GRIK5: variants seen among roughly 807,000 people sequenced by gnomAD.
GRIK5 encodes the protein glutamate receptor ionotropic, kainate 5.
Under a neutral mutation model 97.4 loss-of-function variants are expected in GRIK5, and 43 were observed. The observed-to-expected ratio is 0.44, with a 90% confidence interval of 0.35 to 0.57. The LOEUF is 0.57. Among genes scored for constraint, GRIK5 ranks in the 20% least tolerant of loss-of-function variants. The probability of loss-of-function intolerance (pLI) is 0.01; values close to 1 mark genes in which losing one functional copy is unlikely to be tolerated. For synonymous variants in GRIK5, 580 were observed against 583.5 expected (o/e 0.99, Z 0.09); for missense variants, 1,015 against 1,382.0 (o/e 0.73, Z 4.21).
At position 42,042,481 on chromosome 19, in the gene GRIK5, G is replaced by A; in HGVS notation, c.1473+71C>T. 1.4e-6 allele frequency: 2 copies of A among 1,390,644 alleles called. No homozygotes were observed. The highest frequency in any genetic ancestry group is 2.0e-6 in the Non-Finnish European group (2 of 1,008,962). The allele number at this position is 1,390,644 out of a possible 1,614,324, so 86.1% of individuals were successfully genotyped here. On this transcript the variant is annotated intron_variant, in intron 12 of 19. Coordinates refer to ENST00000593562, the MANE Select transcript of GRIK5 (RefSeq NM_002088.5). The surrounding 1 kb of genome is among the most constrained non-coding windows in gnomAD (Gnocchi z 6.9). ...GCCAGGCTGCTTCTGAGGTTCGACTGGCTGCCCAGCTGCCCGCCCTCCCTC... is the reference window on the plus strand; with the variant it reads ...GCCAGGCTGCTTCTGAGGTTCGACTAGCTGCCCAGCTGCCCGCCCTCCCTC...
rs368830137 is a variant in GRIK5 at position 42,001,465 on chromosome 19, G to A, written c.2514+1867C>T. 3.7e-4 allele frequency among the ~76,000 whole-genome samples: 57 copies of A among 152,314 alleles called. No individual in the cohort carries two copies. The South Asian group carries it at 0.011, about 30-fold the overall frequency. ...GCTGGTCTTGAACTCCTGGCCTCATGTGATCTGCCCTCCTCAGCCTCCCAA... is the reference window on the plus strand; with the variant it reads ...GCTGGTCTTGAACTCCTGGCCTCATATGATCTGCCCTCCTCAGCCTCCCAA... On this transcript the variant is annotated intron_variant, in intron 19 of 19. Coordinates refer to ENST00000593562, the MANE Select transcript of GRIK5 (RefSeq NM_002088.5).
At chr19:42,037,472 AAAAC>A (rs754067010) in intron 12 of GRIK5, among the ~76,000 whole-genome samples, 2 of 152,144 alleles carry the variant, frequency 1.3e-5, no homozygotes, top group East Asian at 1.9e-4. Context: ...AAGAAAAACA[AAAAC>A]AAACAAACAA....
rs752521646 is a variant in GRIK5 at position 42,053,830 on chromosome 19, G to A, written c.1156C>T (p.Arg386Cys). ...RILEKSRQGH[R>C]EIGVWYSNRT... ...GTCACCCTGGGTCTGCTCACCTCACGGTGGCCCTGCCGGGACTTTTCTAGG... is the reference window on the plus strand; with the variant it reads ...GTCACCCTGGGTCTGCTCACCTCACAGTGGCCCTGCCGGGACTTTTCTAGG... Residue 386 changes from arginine to cysteine, a missense_variant, in exon 10 of 20, where the codon CGT (arginine) becomes TGT (cysteine). By Grantham distance (180) the Arg-to-Cys change is radical. Transcript: ENST00000593562. 5.0e-6 allele frequency: 8 copies of A among 1,610,962 alleles called. No homozygotes were observed. The highest frequency in any genetic ancestry group is 4.0e-5 in the African/African-American group (3 of 74,852).
chr19:42,011,932 G>A (rs1219206942), intron 15 of GRIK5, among the ~76,000 whole-genome samples: 1 of 152,122 alleles, frequency 6.6e-6, no homozygotes, highest in African/African-American at 2.4e-5. Flanking sequence ...ACTCCAGCGT[G>A]GGTGACAGAG....
In GRIK5 at chr19:42,005,237, C is replaced by CAAAAAA. The variant is rs56825931; in HGVS notation, c.2263+480_2263+485dup. On this transcript the variant is annotated intron_variant, in intron 17 of 19. Coordinates refer to ENST00000593562, the MANE Select transcript of GRIK5 (RefSeq NM_002088.5). Reference sequence around the variant, plus strand: ...CGGGCGACAGAGCAAGACTCCGTCTCAAAAAAAAAAAAAAAAAAAACAAAA... The same window carrying CAAAAAA: ...CGGGCGACAGAGCAAGACTCCGTCTCAAAAAAAAAAAAAAAAAAAAAAAAAACAAAA... 8.0e-4 allele frequency among the ~76,000 whole-genome samples: 70 copies of CAAAAAA among 87,798 alleles called. 1 individual carries two copies. The highest frequency in any genetic ancestry group is 1.1e-3 in the African/African-American group (22 of 20,912). 57.6% of individuals were successfully genotyped at this position (87,798 alleles called of 152,430 possible). A position where few individuals can be genotyped will look rare whatever the true frequency, so the allele number is the denominator to read the frequency against.
At chr19:42,023,556 G>A (rs1327507084) in intron 12 of GRIK5, among the ~76,000 whole-genome samples, 1 of 152,096 alleles carries the variant, frequency 6.6e-6, no homozygotes, top group East Asian at 1.9e-4. Context: ...CTTTCAGGTG[G>A]GCTCCAGTCC....
intron 15 of GRIK5, among the ~76,000 whole-genome samples, chr19:42,013,102 G>A (rs1188375879): frequency 2.0e-5 from 3 of 150,792 alleles, no homozygotes; most frequent in Admixed American, 1.3e-4. Flanking sequence ...GCCTGTAATC[G>A]CGGCACTTTG....
chr19:42,037,275 C>A (rs1446037163), intron 12 of GRIK5, among the ~76,000 whole-genome samples: 1 of 152,208 alleles, frequency 6.6e-6, no homozygotes, highest in Non-Finnish European at 1.5e-5. Flanking sequence ...GCCTGGCCAA[C>A]ATGGCGAAAC....
chr19:42,057,909 C>A (rs913770059), intron 6 of GRIK5, among the ~76,000 whole-genome samples: 4 of 152,216 alleles, frequency 2.6e-5, no homozygotes, highest in East Asian at 1.9e-4. Context: ...TCTGTCCCCC[C>A]ACGAGAATTA....
At position 42,065,229 on chromosome 19, in the gene GRIK5, C is replaced by A. The variant is rs540113626; in HGVS notation, c.238G>T (p.Asp80Tyr). The change falls in exon 3 of 20, where the codon GAC (aspartate) becomes TAC (tyrosine). Residue 80 changes from aspartate (D) to tyrosine (Y), a missense_variant. Around this residue, in one of 5 missense-constraint regions of GRIK5, gnomAD observed 198 missense variants for 218.2 expected, o/e 0.91. Transcript: ENST00000593562. The surrounding 1 kb of genome is among the most constrained non-coding windows in gnomAD (Gnocchi z 5.8). The part of the protein sequence containing the change: ...LQRDSQYETT[D>Y]TMCQILPKGV... ...CCCCCATGGCCCCGCTCACTGGTGT[C>A]CGTGGTCTCGTACTGGCTGTCCCGC... is the stretch of plus-strand genomic sequence containing the variant. 146 of 1,610,150 alleles carry A rather than the reference C, an allele frequency of 9.1e-5. 1 individual carries two copies. The highest frequency in any genetic ancestry group is 3.3e-4 in the Middle Eastern group (2 of 6,040).
At position 42,058,406 on chromosome 19, in the gene GRIK5, C is replaced by T. The variant is rs1175943891; in HGVS notation, c.687+943G>A. ...CCGTGTTACCCAGGATGGTCTCAAT[C>T]TCCTGACCTCGTGATCCGCCCGCCT... On this transcript the variant is annotated intron_variant, in intron 6 of 19. Transcript: ENST00000593562. Among the ~76,000 whole-genome samples, 5 of 150,544 alleles carry T rather than the reference C, an allele frequency of 3.3e-5. No homozygotes were observed. The East Asian group carries it at 9.9e-4, about 30-fold the overall frequency.
intron 15 of GRIK5, among the ~76,000 whole-genome samples, chr19:42,013,509 G>A (rs1273703282): frequency 6.9e-6 from 1 of 145,650 alleles, no homozygotes; most frequent in Admixed American, 7.2e-5. Flanking sequence ...TCCCAGGTTC[G>A]CGCCATTCTC....
chr19:42,013,348 T>TA (rs1402976518), intron 15 of GRIK5, among the ~76,000 whole-genome samples: 2 of 151,050 alleles, frequency 1.3e-5, no homozygotes, highest in Non-Finnish European at 3.0e-5. Flanking sequence ...ATCCTGTCTT[T>TA]AAAAAAATAA....
chr19:42,010,365 G>A (rs73932863), intron 15 of GRIK5, among the ~76,000 whole-genome samples: 1 of 152,200 alleles, frequency 6.6e-6, no homozygotes, highest in African/African-American at 2.4e-5. Flanking sequence ...AACGCACCAA[G>A]ACACATTATA....
chr19:42,012,396 G>A (rs1304212048), intron 15 of GRIK5, among the ~76,000 whole-genome samples: 2 of 151,990 alleles, frequency 1.3e-5, no homozygotes, highest in African/African-American at 2.4e-5. Context: ...AACTACAGGC[G>A]CACACTGCCA....
chr19:42,021,955 C>A lies in GRIK5; in HGVS notation c.1689G>T (p.Leu563=). 1 of 1,611,750 alleles carries A rather than the reference C, an allele frequency of 6.2e-7. No homozygotes were observed. Among genetic ancestry groups the A allele is most frequent in the South Asian group, 1.1e-5 (1 of 90,870 alleles). ...GTAGGCAGTGGACTCACCTGGCAGC[C>A]AGAAACAGGACGCAGCTGACAGCCA... ...AYLAVSCVLF[L]AARLSPYEWY... The change falls in exon 14 of 20, where the codon CTG becomes CTT. Residue 563 remains leucine, a synonymous_variant. Transcript: ENST00000593562. This position sits in a 1 kb window ranked among gnomAD's most constrained non-coding sequence, Gnocchi z 4.2.
intron 12 of GRIK5, among the ~76,000 whole-genome samples, chr19:42,039,803 G>A (rs1378022095): frequency 6.6e-6 from 1 of 151,898 alleles, no homozygotes; most frequent in East Asian, 1.9e-4. Context: ...AACAGGGCCA[G>A]ACCCCATCTC....
chr19:42,054,904 G>A (rs749937663), intron 8 of GRIK5, among the ~76,000 whole-genome samples: 1 of 152,176 alleles, frequency 6.6e-6, no homozygotes, highest in Non-Finnish European at 1.5e-5. Flanking sequence ...CTTGGGTGTG[G>A]TGTCAGAGAG....
intron 12 of GRIK5, among the ~76,000 whole-genome samples, chr19:42,033,285 T>C (rs1332152300): frequency 8.1e-6 from 1 of 123,904 alleles, no homozygotes; most frequent in Non-Finnish European, 1.6e-5. Context: ...GCCACTGCAC[T>C]CCAGCCTGGG....
Sources: gnomAD v4.1 joint callset for allele counts (sites outside exome capture counted in the v4.1 genomes callset) on GRCh38, gnomAD v4.1.1 for gene constraint, gnomAD v4.1.1 regional missense constraint, Gnocchi (gnomAD v3.1) non-coding constraint, MANE v1.5 for transcripts, NCBI Gene and HGNC (gene_info 2026-07-23, HGNC 2026-07-21) for gene names.